The following NEXN variants were observed in gnomAD, a reference collection of about 807,000 sequenced individuals.
NEXN encodes the protein nexilin.
NEXN carries 65 observed loss-of-function variants against 92.6 expected under a neutral mutation model. The ratio of observed to expected loss-of-function variants is 0.70; its 90% CI spans 0.57 to 0.86. NEXN has a LOEUF of 0.86. Among genes scored for constraint, NEXN ranks in the 40% least tolerant of loss-of-function variants. The probability of loss-of-function intolerance (pLI) is 0.00; values close to 1 mark genes in which losing one functional copy is unlikely to be tolerated. For missense variants in NEXN, 778 were observed against 771.1 expected, an observed-to-expected ratio of 1.01 and a Z score of -0.11; for synonymous variants, 254 against 242.5, an observed-to-expected ratio of 1.05 and a Z score of -0.44.
chr1:77,931,412 C>CAAAA (rs138490881), intron 9 of NEXN, among the ~76,000 whole-genome samples: 1 of 57,590 alleles, frequency 1.7e-5, no homozygotes, highest in African/African-American at 7.4e-5. Context: ...GACTCCGTCT[C>CAAAA]AAAAAAAAAA....
At chr1:77,896,759 AT>A (rs901281432) in intron 1 of NEXN, among the ~76,000 whole-genome samples, 2 of 151,670 alleles carry the variant, frequency 1.3e-5, no homozygotes, top group African/African-American at 4.9e-5. Flanking sequence ...ACTCTGTCTA[AT>A]TAAAAAAAAA....
chr1:77,898,254 C>A (rs1353119966), intron 1 of NEXN, among the ~76,000 whole-genome samples: 1 of 152,234 alleles, frequency 6.6e-6, no homozygotes, highest in Non-Finnish European at 1.5e-5. Flanking sequence ...TACCTGACTT[C>A]AAACTATACT....
chr1:77,926,642 A>C (rs1649870641), intron 7 of NEXN, 31 bp downstream of exon 7: 5 of 1,613,942 alleles, frequency 3.1e-6, no homozygotes, highest in Non-Finnish European at 4.2e-6. Context: ...TTTCTAAGAA[A>C]CAAATCAAGG....
Position 77,916,133 on chromosome 1 carries a change from G to T in NEXN, c.27G>T (p.Glu9Asp). The change falls in exon 2 of 13, where the codon GAG (glutamate) becomes GAT (aspartate). Residue 9 changes from glutamate (E) to aspartate (D), a missense_variant and splice_region_variant. By Grantham distance (45) the Glu-to-Asp change is conservative. Around this residue, in one of 3 missense-constraint regions of NEXN, gnomAD observed 236 missense variants for 265.6 expected, o/e 0.89. Coordinates refer to ENST00000334785, the MANE Select transcript of NEXN (RefSeq NM_144573.4). ...TGAATGATATTTCCCAAAAGGCTGA[G>T]GTAAGTCTCAAAAGTAAAAATAAAA... MNDISQKA[E>D]ILLSSSKPVP... 6.2e-7 allele frequency: 1 copy of T among 1,603,748 alleles called. No individual in the cohort carries two copies. Among genetic ancestry groups the T allele is most frequent in the Non-Finnish European group, 8.5e-7 (1 of 1,173,828 alleles).
chr1:77,891,701 C>CA (rs1427101722), intron 1 of NEXN, among the ~76,000 whole-genome samples: 1 of 116,228 alleles, frequency 8.6e-6, no homozygotes, highest in Non-Finnish European at 1.7e-5. Context: ...AGTCGACAGT[C>CA]AAAAAGACAC....
chr1:77,927,524 T>C (rs1160117587), intron 8 of NEXN, among the ~76,000 whole-genome samples: 2 of 151,954 alleles, frequency 1.3e-5, no homozygotes, highest in Non-Finnish European at 2.9e-5. Context: ...AAAATAACAG[T>C]TTACGGTGGA....
At chr1:77,942,355 TG>T (rs1651420169) in intron 12 of NEXN, 105 bp from the exon 13 acceptor site, 2 of 1,387,172 alleles carry the variant, frequency 1.4e-6, no homozygotes, top group Non-Finnish European at 1.0e-6. Flanking sequence ...TAGGCACACT[TG>T]TATGTTCTTT....
intron 7 of NEXN, 48 bp from the exon 8 acceptor site, chr1:77,926,668 G>A (rs1349983128): frequency 4.3e-6 from 7 of 1,613,686 alleles, no homozygotes. Context: ...TAAGTTAGCA[G>A]CATTTTCCTT....
At position 77,929,340 on chromosome 1, in the gene NEXN, G is replaced by A; in HGVS notation, c.889G>A (p.Asp297Asn). ...GGTAAATGAAGATGAGGAAAACCAA[G>A]ACACAGCAAAAATTTTTAAAGGGTA... is the stretch of plus-strand genomic sequence containing the variant. The part of the protein sequence containing the change: ...QMVNEDEENQ[D>N]TAKIFKGYRP... The change falls in exon 9 of 13, where the codon GAC becomes AAC. Residue 297 changes from aspartate to asparagine, a missense_variant. Coordinates refer to ENST00000334785, the MANE Select transcript of NEXN (RefSeq NM_144573.4). 1 of 1,613,330 alleles carries A rather than the reference G, an allele frequency of 6.2e-7. No homozygotes were observed. The highest frequency in any genetic ancestry group is 1.3e-5 in the African/African-American group (1 of 74,964).
At chr1:77,923,419 T>G (rs528750172) in intron 5 of NEXN, among the ~76,000 whole-genome samples, 6 of 152,238 alleles carry the variant, frequency 3.9e-5, no homozygotes, top group African/African-American at 1.4e-4. Flanking sequence ...TCCCTTACAC[T>G]GCATGAGGAG....
chr1:77,938,372 C>G (rs921964384), intron 11 of NEXN, among the ~76,000 whole-genome samples: 1 of 151,942 alleles, frequency 6.6e-6, no homozygotes, highest in Non-Finnish European at 1.5e-5. Context: ...AGTCTACAGC[C>G]GGGTGCGGTG....
At chr1:77,934,184 ATT>A (rs1046205291) in intron 10 of NEXN, among the ~76,000 whole-genome samples, 20 of 151,626 alleles carry the variant, frequency 1.3e-4, no homozygotes, top group Non-Finnish European at 4.4e-5. Flanking sequence ...TAATTTTTGT[ATT>A]TTTGGTAGAG....
intron 5 of NEXN, among the ~76,000 whole-genome samples, chr1:77,919,775 T>A (rs1396604480): frequency 6.6e-6 from 1 of 152,132 alleles, no homozygotes; most frequent in Non-Finnish European, 1.5e-5. Flanking sequence ...AATTTTTGTA[T>A]TTTTAGTGGA....
chr1:77,917,006 TGCACAC>T (rs1571111638), intron 2 of NEXN, among the ~76,000 whole-genome samples: 1 of 152,290 alleles, frequency 6.6e-6, no homozygotes, highest in East Asian at 1.9e-4. Flanking sequence ...TCACAGCTTG[TGCACAC>T]AGACCACGGT....
At chr1:77,932,221 C>T (rs551210267) in intron 9 of NEXN, among the ~76,000 whole-genome samples, 115 of 152,280 alleles carry the variant, frequency 7.6e-4, no homozygotes, top group African/African-American at 2.6e-3. Flanking sequence ...CCACTGTGCC[C>T]GGCCTATAAT....
At chr1:77,922,678 A>G (rs1159302125) in intron 5 of NEXN, among the ~76,000 whole-genome samples, 1 of 151,722 alleles carries the variant, frequency 6.6e-6, no homozygotes, top group Admixed American at 6.6e-5. Flanking sequence ...GCTCACTGCA[A>G]GCTGCGCCTC....
chr1:77,933,537 A>G, intron 10 of NEXN, 58 bp downstream of exon 10: 6 of 1,164,584 alleles, frequency 5.2e-6, no homozygotes, highest in African/African-American at 3.1e-5. Context: ...TATTTTACTT[A>G]TATCACCTTA....
chr1:77,921,016 T>C (rs999192624), intron 5 of NEXN, among the ~76,000 whole-genome samples: 2 of 152,188 alleles, frequency 1.3e-5, no homozygotes, highest in African/African-American at 2.4e-5. Context: ...TTTCCTAGTT[T>C]GTTGGAAAAA....
At chr1:77,905,580 C>T (rs1648053299) in intron 1 of NEXN, among the ~76,000 whole-genome samples, 2 of 152,074 alleles carry the variant, frequency 1.3e-5, no homozygotes, top group African/African-American at 2.4e-5. Flanking sequence ...TAGTACCACT[C>T]AGGACGCTGA....
Sources: gnomAD v4.1 joint callset for allele counts (sites outside exome capture counted in the v4.1 genomes callset) on GRCh38, gnomAD v4.1.1 for gene constraint, gnomAD v4.1.1 regional missense constraint, MANE v1.5 for transcripts, NCBI Gene and HGNC (gene_info 2026-07-23, HGNC 2026-07-21) for gene names.